Variants in PLCE1 observed in about 807,000 individuals in gnomAD.
PLCE1 encodes phospholipase C epsilon 1, also known as 1-phosphatidylinositol 4,5-bisphosphate phosphodiesterase epsilon-1.
Under a neutral mutation model 242.8 loss-of-function variants are expected in PLCE1, and 119 were observed. The ratio of observed to expected loss-of-function variants is 0.49; its 90% CI spans 0.42 to 0.57. The LOEUF (loss-of-function observed/expected upper bound fraction) is 0.57, where lower values mean the gene tolerates loss of function less well. Among genes scored for constraint, PLCE1 ranks in the 20% least tolerant of loss-of-function variants. The probability of loss-of-function intolerance (pLI) is 0.00; values close to 1 mark genes in which losing one functional copy is unlikely to be tolerated. For missense variants in PLCE1, 2,441 were observed against 2,788.8 expected, an observed-to-expected ratio of 0.88 and a Z score of 2.81; for synonymous variants, 945 against 1,017.4, an observed-to-expected ratio of 0.93 and a Z score of 1.35.
rs774462183 is a variant in PLCE1 at position 94,324,914 on chromosome 10, A to G, written c.6743A>G (p.Lys2248Arg). Residue 2248 changes from lysine (K) to arginine (R), a missense_variant, in exon 32 of 33, where the codon AAA (lysine) becomes AGA (arginine). Coordinates refer to ENST00000371380, the MANE Select transcript of PLCE1 (RefSeq NM_016341.4). The part of the protein sequence containing the change: ...QVQASREDKK[K>R]GISFASELKK... Reference sequence around the variant, plus strand: ...CAGGCATCTCGAGAAGATAAAAAGAAAGGCATTTCTTTCGCAAGTGAACTC... The same window carrying G: ...CAGGCATCTCGAGAAGATAAAAAGAGAGGCATTTCTTTCGCAAGTGAACTC... The G allele has an allele frequency of 6.2e-7, 1 of 1,614,216 alleles. No homozygotes were observed. Among genetic ancestry groups the G allele is most frequent in the Non-Finnish European group, 8.5e-7 (1 of 1,180,036 alleles).
Position 94,308,637 on chromosome 10 carries a change from TTA to T in PLCE1, c.5943_5944del (p.Leu1981PhefsTer3). 6.2e-7 allele frequency: 1 copy of T among 1,613,818 alleles called. No individual in the cohort carries two copies. ...CAATGAAGTCTTGGAGATTTCTAGT[TTA>T]TTCATTAACAGCAGAAGGATGGAAG... ...LHNEVLEISS[L>X]FINSRRMEEN... On this transcript the variant is annotated frameshift_variant, in exon 27 of 33. Transcript: ENST00000371380. LOFTEE classifies it high-confidence loss of function.
chr10:94,085,152 TG>T (rs1207497418), intron 2 of PLCE1, among the ~76,000 whole-genome samples: 2 of 152,156 alleles, frequency 1.3e-5, no homozygotes, highest in African/African-American at 4.8e-5. Flanking sequence ...ATCTTGTGTT[TG>T]GGGGTACTAT....
intron 2 of PLCE1, among the ~76,000 whole-genome samples, chr10:94,055,378 TCCAC>T (rs1267741284): frequency 1.3e-5 from 2 of 151,858 alleles, no homozygotes; most frequent in African/African-American, 4.8e-5. Context: ...TGGTGCGATC[TCCAC>T]TCACTGCAAC....
intron 23 of PLCE1, among the ~76,000 whole-genome samples, chr10:94,295,662 C>T (rs2052787984): frequency 6.6e-6 from 1 of 152,184 alleles, no homozygotes. Flanking sequence ...ATTTTATTTT[C>T]ACCAGATCCA....
At chr10:94,065,058 CTGTTAGCTT>C (rs2044161412) in intron 2 of PLCE1, among the ~76,000 whole-genome samples, 1 of 152,200 alleles carries the variant, frequency 6.6e-6, no homozygotes, top group Non-Finnish European at 1.5e-5. Context: ...TGTTTTTCCT[CTGTTAGCTT>C]GTGTCTGCCT....
At chr10:94,018,202 CT>C (rs1344647887) in intron 1 of PLCE1, among the ~76,000 whole-genome samples, 1 of 152,116 alleles carries the variant, frequency 6.6e-6, no homozygotes, top group Non-Finnish European at 1.5e-5. Context: ...CAACTGGCTG[CT>C]TGAGGAAGCT....
intron 27 of PLCE1, among the ~76,000 whole-genome samples, chr10:94,310,883 T>C (rs1458877735): frequency 6.6e-6 from 1 of 152,194 alleles, no homozygotes; most frequent in African/African-American, 2.4e-5. Context: ...AGACTACTCC[T>C]ACTTCAGATG....
At position 94,316,536 on chromosome 10, in the gene PLCE1, T is replaced by C; in HGVS notation, c.6133-11T>C. On this transcript the variant is annotated splice_polypyrimidine_tract_variant and intron_variant, in intron 28 of 32. Transcript: ENST00000371380. ...GCCTCACTCCTCAGTTTGCCTTCAC[T>C]TTTTCTTTAGATTCTGACAAATGAA... The C allele has an allele frequency of 1.3e-6, 2 of 1,593,748 alleles. No individual in the cohort carries two copies. The highest frequency in any genetic ancestry group is 2.2e-5 in the East Asian group (1 of 44,744).
At chr10:94,179,209 A>G (rs1252058057) in intron 4 of PLCE1, among the ~76,000 whole-genome samples, 1 of 152,196 alleles carries the variant, frequency 6.6e-6, no homozygotes, top group Non-Finnish European at 1.5e-5. Flanking sequence ...CAAATAAACT[A>G]CAGAAACTCA....
At chr10:94,239,292 CG>C (rs1196332008) in intron 7 of PLCE1, among the ~76,000 whole-genome samples, 1 of 152,142 alleles carries the variant, frequency 6.6e-6, no homozygotes, top group African/African-American at 2.4e-5. Context: ...AATTGAATCA[CG>C]GGGGCGGTTT....
chr10:94,285,770 G>C (rs2052421818), intron 22 of PLCE1, among the ~76,000 whole-genome samples: 1 of 152,212 alleles, frequency 6.6e-6, no homozygotes, highest in Non-Finnish European at 1.5e-5. Context: ...GAGCTGGGTA[G>C]CAAGGCCCCA....
At chr10:94,286,023 T>C (rs927904211) in intron 22 of PLCE1, among the ~76,000 whole-genome samples, 2 of 152,138 alleles carry the variant, frequency 1.3e-5, no homozygotes, top group East Asian at 3.9e-4. Context: ...CAATTATGTG[T>C]CCCACAAATG....
chr10:94,293,403 C>A, intron 22 of PLCE1, 105 bp from the exon 23 acceptor site: 1 of 1,267,746 alleles, frequency 7.9e-7, no homozygotes, highest in Non-Finnish European at 1.1e-6. Context: ...GTACTAGGTT[C>A]CAAGGGAGTA....
rs1220054683 is a variant in PLCE1, at chr10:94,030,841, A to T, written c.-206A>T. The stretch of plus-strand genomic sequence containing the variant: ...ACCACCTTAAAACCCTGATCTAGAA[A>T]AAATATATATTCATGATAGGAAGTT... On this transcript the variant is annotated 5_prime_UTR_variant, in exon 2 of 33. Coordinates refer to ENST00000371380, the MANE Select transcript of PLCE1 (RefSeq NM_016341.4). The T allele has an allele frequency of 1.2e-5, 7 of 592,550 alleles. No individual in the cohort carries two copies. In the African/African-American group the frequency reaches 1.3e-4, roughly 11 times the overall value. The allele number at this position is 592,550 out of a possible 1,614,324, so 36.7% of individuals were successfully genotyped here.
At chr10:94,123,642 C>A (rs950732416) in intron 2 of PLCE1, among the ~76,000 whole-genome samples, 2 of 152,238 alleles carry the variant, frequency 1.3e-5, no homozygotes, top group Admixed American at 6.5e-5. Context: ...GGAAATTCGA[C>A]AGTTCTTATA....
intron 13 of PLCE1, among the ~76,000 whole-genome samples, chr10:94,261,793 A>G (rs2051307134): frequency 6.6e-6 from 1 of 152,170 alleles, no homozygotes. Context: ...ATATTCACAT[A>G]AAAATCTGTA....
At chr10:94,137,332 A>G (rs970335084) in intron 3 of PLCE1, among the ~76,000 whole-genome samples, 4 of 152,260 alleles carry the variant, frequency 2.6e-5, no homozygotes, top group Non-Finnish European at 4.4e-5. Flanking sequence ...AGAAATTTTC[A>G]AAGCTATCAC....
chr10:94,190,183 G>A (rs1428900317), intron 4 of PLCE1, among the ~76,000 whole-genome samples: 5 of 152,244 alleles, frequency 3.3e-5, no homozygotes, highest in Admixed American at 3.3e-4. Context: ...AGGAGGCTGA[G>A]GTGGGAGGAT....
chr10:94,016,122 A>G (rs2061275845), intron 1 of PLCE1, among the ~76,000 whole-genome samples: 1 of 152,166 alleles, frequency 6.6e-6, no homozygotes, highest in Admixed American at 6.5e-5. Context: ...ATGATTTTCC[A>G]TGATCGCCTC....
Sources: allele counts gnomAD v4.1 joint callset (sites outside exome capture counted in the v4.1 genomes callset), GRCh38; gene constraint gnomAD v4.1.1; transcripts MANE v1.5; gene names NCBI Gene and HGNC (gene_info 2026-07-23, HGNC 2026-07-21).